PHKB: variants seen among roughly 807,000 people sequenced by gnomAD.
PHKB encodes phosphorylase b kinase regulatory subunit beta.
PHKB carries 122 observed loss-of-function variants against 152.1 expected under a neutral mutation model. The ratio of observed to expected loss-of-function variants is 0.80; its 90% CI spans 0.69 to 0.93. The LOEUF (loss-of-function observed/expected upper bound fraction) is 0.93. Among genes scored for constraint, PHKB ranks in the 40% least tolerant of loss-of-function variants. PHKB has a pLI of 0.00. For synonymous variants in PHKB, 436 were observed against 464.9 expected (o/e 0.94, Z 0.80); for missense variants, 1,304 against 1,328.4 (o/e 0.98, Z 0.29).
intron 14 of PHKB, among the ~76,000 whole-genome samples, chr16:47,618,581 C>T (rs1244267892): frequency 6.6e-6 from 1 of 152,244 alleles, no homozygotes; most frequent in African/African-American, 2.4e-5. Context: ...AAACACCAGA[C>T]TTATTTATGT....
intron 16 of PHKB, 64 bp from the exon 17 acceptor site, chr16:47,648,467 TAC>T: frequency 9.3e-7 from 1 of 1,076,286 alleles, no homozygotes; most frequent in Non-Finnish European, 1.4e-6. Flanking sequence ...AACAGGACAA[TAC>T]TCAGGGGTGA....
At chr16:47,656,683 A>G (rs925949252) in intron 20 of PHKB, among the ~76,000 whole-genome samples, 38 of 152,012 alleles carry the variant, frequency 2.5e-4, no homozygotes, top group African/African-American at 8.7e-4. Flanking sequence ...ACAGTTCCTC[A>G]TTCCCCCCAC....
chr16:47,517,545 C>G (rs377746470), intron 6 of PHKB, among the ~76,000 whole-genome samples: 1 of 152,284 alleles, frequency 6.6e-6, no homozygotes, highest in East Asian at 1.9e-4. Context: ...CTGGGAGCCA[C>G]TGCACCTGGC....
intron 4 of PHKB, among the ~76,000 whole-genome samples, chr16:47,508,199 A>G (rs565650185): frequency 1.3e-5 from 2 of 152,330 alleles, no homozygotes; most frequent in Non-Finnish European, 2.9e-5. Flanking sequence ...TTATTTAAAG[A>G]ATTTAGAGCA....
In PHKB at chr16:47,482,662, T is replaced by C. The variant is rs940834566; in HGVS notation, c.77-14737T>C. Among the ~76,000 whole-genome samples, 5 of 152,238 alleles carry C rather than the reference T, an allele frequency of 3.3e-5. No homozygotes were observed. In the East Asian group the frequency reaches 5.8e-4, roughly 18 times the overall value. On this transcript the variant is annotated intron_variant, in intron 1 of 30. Coordinates refer to ENST00000323584, the MANE Select transcript of PHKB (RefSeq NM_000293.3). ...TCTGTACGACTTGCGTAGAATAATG[T>C]ATGACACAATAAAATGCCTAATATA...
At chr16:47,511,559 C>T (rs1057215146) in intron 4 of PHKB, 106 bp from the exon 5 acceptor site, 3 of 821,220 alleles carry the variant, frequency 3.7e-6, no homozygotes, top group East Asian at 2.6e-5. Flanking sequence ...CGGTCCTCTG[C>T]CTTAGCTTTG....
chr16:47,633,657 C>G (rs959167441), intron 14 of PHKB, among the ~76,000 whole-genome samples: 1 of 152,044 alleles, frequency 6.6e-6, no homozygotes, highest in Admixed American at 6.6e-5. Flanking sequence ...GCAGTCCAAA[C>G]GTAAAGGGAC....
chr16:47,682,902 C>A (rs535063257), intron 26 of PHKB, among the ~76,000 whole-genome samples: 2 of 152,246 alleles, frequency 1.3e-5, no homozygotes, highest in Admixed American at 6.5e-5. Context: ...GTTTTATCTA[C>A]TTTTGGTCTT....
chr16:47,614,360 A>G (rs533456313), intron 14 of PHKB, among the ~76,000 whole-genome samples: 37 of 152,334 alleles, frequency 2.4e-4, no homozygotes, highest in Middle Eastern at 3.4e-3. Flanking sequence ...TCCAAACCAT[A>G]TCACATAGTT....
intron 6 of PHKB, among the ~76,000 whole-genome samples, chr16:47,535,005 G>A (rs1012282141): frequency 6.6e-6 from 1 of 152,168 alleles, no homozygotes; most frequent in Admixed American, 6.5e-5. Context: ...TTCACTTTGG[G>A]TATCAGGGAG....
At position 47,511,546 on chromosome 16, in the gene PHKB, G is replaced by C; in HGVS notation, c.406-119G>C. On this transcript the variant is annotated intron_variant, in intron 4 of 30. Coordinates refer to ENST00000323584, the MANE Select transcript of PHKB (RefSeq NM_000293.3). ...TGAGAAAAGGTAACGTTTCTGCTTT[G>C]TTCGGTCCTCTGCCTTAGCTTTGTT... 5.3e-6 allele frequency: 4 copies of C among 749,404 alleles called. No homozygotes were observed. In the Admixed American group the frequency reaches 7.8e-5, roughly 15 times the overall value. The allele number at this position is 749,404 out of a possible 1,614,324, so 46.4% of individuals were successfully genotyped here.
chr16:47,685,785 A>T (rs2142098803), intron 26 of PHKB, among the ~76,000 whole-genome samples: 1 of 146,678 alleles, frequency 6.8e-6, no homozygotes, highest in East Asian at 2.0e-4. Flanking sequence ...TCTGTTGCCC[A>T]GGCTGGAGTG....
chr16:47,641,604 A>G lies in PHKB; in HGVS notation c.1520A>G (p.Gln507Arg), dbSNP rs138204583. ...VALIAESQRL[Q>R]VFLNTYGIQT... is the part of the protein sequence containing the mutation. ...TTTATCCCTATGATCTTTAGACTTC[A>G]AGTTTTTCTGAACACATATGGTATT... The change falls in exon 16 of 31, where the codon CAA becomes CGA. Residue 507 changes from glutamine to arginine, a missense_variant. Gln to Arg is a conservative substitution (Grantham distance 43). Coordinates refer to ENST00000323584, the MANE Select transcript of PHKB (RefSeq NM_000293.3). 2.8e-5 allele frequency: 44 copies of G among 1,560,348 alleles called. No individual in the cohort carries two copies. The highest frequency in any genetic ancestry group is 3.4e-5 in the Non-Finnish European group (38 of 1,131,012).
At position 47,631,525 on chromosome 16, in the gene PHKB, A is replaced by G. The variant is rs551489140; in HGVS notation, c.1459-9510A>G. On this transcript the variant is annotated intron_variant, in intron 14 of 30. Transcript: ENST00000323584. ...TTAAGTTCTGGGGTACATGTGCAGA[A>G]TATGCAGGTTTGTTACATTGGTATG... Among the ~76,000 whole-genome samples, 4 of 152,294 alleles carry G rather than the reference A, an allele frequency of 2.6e-5. No homozygotes were observed. The East Asian group carries it at 5.8e-4, about 22-fold the overall frequency.
chr16:47,639,864 T>C (rs913479937), intron 14 of PHKB, among the ~76,000 whole-genome samples: 1 of 152,236 alleles, frequency 6.6e-6, no homozygotes, highest in African/African-American at 2.4e-5. Flanking sequence ...GAAATAGGGC[T>C]TAATTTTTTC....
Position 47,654,082 on chromosome 16 carries a change from G to A in PHKB, c.1971+3161G>A, listed in dbSNP as rs796678326. 8.5e-4 allele frequency among the ~76,000 whole-genome samples: 129 copies of A among 152,316 alleles called. 1 individual carries two copies. Among genetic ancestry groups the A allele is most frequent in the African/African-American group, 2.9e-3 (122 of 41,576 alleles). On this transcript the variant is annotated intron_variant, in intron 20 of 30. Transcript: ENST00000323584. ...CCTCAAAGTATTTCTACAAATATGT[G>A]CAGTGTCTGTCTTTCATTCAAAATT...
intron 1 of PHKB, among the ~76,000 whole-genome samples, chr16:47,491,642 T>G (rs1970152084): frequency 6.6e-6 from 1 of 151,978 alleles, no homozygotes; most frequent in Non-Finnish European, 1.5e-5. Flanking sequence ...AGAAGAAGAT[T>G]CAGTAGTTGC....
chr16:47,555,928 C>G (rs926036552), intron 7 of PHKB, among the ~76,000 whole-genome samples: 2 of 152,122 alleles, frequency 1.3e-5, no homozygotes, highest in African/African-American at 4.8e-5. Context: ...TCTTCCATTT[C>G]TTTGTATCCT....
At chr16:47,693,745 A>C (rs534094437) in intron 28 of PHKB, among the ~76,000 whole-genome samples, 14 of 152,304 alleles carry the variant, frequency 9.2e-5, no homozygotes, top group Admixed American at 5.9e-4. Flanking sequence ...GGCTCACTTT[A>C]CCAAATGGCT....
Sources: gnomAD v4.1 joint callset for allele counts (sites outside exome capture counted in the v4.1 genomes callset) on GRCh38, gnomAD v4.1.1 for gene constraint, MANE v1.5 for transcripts, NCBI Gene and HGNC (gene_info 2026-07-23, HGNC 2026-07-21) for gene names.